Variants in CNTN4 observed in about 807,000 individuals in gnomAD.
CNTN4 encodes the protein contactin 4.
A neutral mutation model predicts 122.5 loss-of-function variants in CNTN4; 77 were observed. The ratio of observed to expected loss-of-function variants is 0.63; its 90% CI spans 0.52 to 0.76. The LOEUF is 0.76. CNTN4 is among the 30% of genes least tolerant of loss of function. CNTN4 has a pLI of 0.00. For synonymous variants in CNTN4, 512 were observed against 447.0 expected (o/e 1.15, Z -1.83); for missense variants, 1,256 against 1,259.1 (o/e 1.00, Z 0.04).
Position 2,538,837 on chromosome 3 carries a change from A to G in CNTN4, c.-88-32579A>G, listed in dbSNP as rs919806465. ...TGTATTTTATCTATTTCTAATATACATATATATGCACACACAGACACACAC... is the reference window on the plus strand; with the variant it reads ...TGTATTTTATCTATTTCTAATATACGTATATATGCACACACAGACACACAC... On this transcript the variant is annotated intron_variant, in intron 3 of 24. Transcript: ENST00000418658. 4.6e-5 allele frequency among the ~76,000 whole-genome samples: 7 copies of G among 151,962 alleles called. No individual in the cohort carries two copies. In the South Asian group the frequency reaches 1.2e-3, roughly 27 times the overall value.
intron 12 of CNTN4, among the ~76,000 whole-genome samples, chr3:2,906,144 A>G (rs115717825): frequency 0.012 from 1,865 of 152,146 alleles, 37 homozygotes; most frequent in African/African-American, 0.043. Context: ...TTTATCTCAA[A>G]GAAATAGAGT....
At chr3:2,844,498 G>A (rs747483257) in intron 7 of CNTN4, among the ~76,000 whole-genome samples, 3 of 152,128 alleles carry the variant, frequency 2.0e-5, no homozygotes, top group African/African-American at 4.8e-5. Context: ...CGGTAAGGAC[G>A]CCTCGATGGA....
At chr3:2,109,422 A>C (rs1013110794) in intron 2 of CNTN4, among the ~76,000 whole-genome samples, 1 of 152,098 alleles carries the variant, frequency 6.6e-6, no homozygotes, top group African/African-American at 2.4e-5. Context: ...GTTGTTGTTA[A>C]CCACAGTGAC....
chr3:2,303,709 C>T (rs1276891714), intron 2 of CNTN4, among the ~76,000 whole-genome samples: 6 of 152,100 alleles, frequency 3.9e-5, no homozygotes. Context: ...TTCAGCAGCT[C>T]CGTTGTTCAG....
At chr3:2,358,487 T>C (rs578045587) in intron 3 of CNTN4, among the ~76,000 whole-genome samples, 2 of 151,896 alleles carry the variant, frequency 1.3e-5, no homozygotes, top group South Asian at 4.2e-4. Context: ...AGAATGCTCT[T>C]GGTGACTGGA....
intron 2 of CNTN4, among the ~76,000 whole-genome samples, chr3:2,154,469 C>T (rs973152947): frequency 3.9e-5 from 6 of 152,064 alleles, no homozygotes; most frequent in Non-Finnish European, 7.4e-5. Context: ...TCTACACTGG[C>T]GTATTTCGCT....
intron 2 of CNTN4, among the ~76,000 whole-genome samples, chr3:2,319,229 A>G (rs1052755296): frequency 1.3e-5 from 2 of 152,176 alleles, no homozygotes; most frequent in Admixed American, 6.5e-5. Flanking sequence ...TAACATTCAC[A>G]AGTACCACAT....
At chr3:2,644,087 C>T (rs1469135203) in intron 4 of CNTN4, among the ~76,000 whole-genome samples, 3 of 152,136 alleles carry the variant, frequency 2.0e-5, no homozygotes, top group Non-Finnish European at 4.4e-5. Flanking sequence ...TGCCTAAGAG[C>T]ACAAGCGCAG....
Position 2,719,291 on chromosome 3 carries a change from G to T in CNTN4, c.56-16924G>T, listed in dbSNP as rs185284911. ...TTAGAAACAAGGTTCATAAGGACAA[G>T]ACTTCACTTTTTTTTTTTTTTTTAG... On this transcript the variant is annotated intron_variant, in intron 4 of 24. Coordinates refer to ENST00000418658, the MANE Select transcript of CNTN4 (RefSeq NM_175607.3). Among the ~76,000 whole-genome samples, 263 of 149,048 alleles carry T rather than the reference G, an allele frequency of 1.8e-3. 1 individual carries two copies. The highest frequency in any genetic ancestry group is 6.2e-3 in the African/African-American group (245 of 39,566).
At chr3:2,780,238 C>T (rs182148289) in intron 6 of CNTN4, among the ~76,000 whole-genome samples, 7 of 152,134 alleles carry the variant, frequency 4.6e-5, no homozygotes, top group African/African-American at 1.7e-4. Context: ...TAGTAAGCAC[C>T]ACAGTTTTTA....
chr3:2,918,541 T>C, intron 12 of CNTN4, among the ~76,000 whole-genome samples: 1 of 152,206 alleles, frequency 6.6e-6, no homozygotes, highest in East Asian at 1.9e-4. Flanking sequence ...TCATTCTATG[T>C]ATCTCTTCTC....
At chr3:2,866,474 A>C (rs988177810) in intron 7 of CNTN4, 1 of 1,277,260 alleles carries the variant, frequency 7.8e-7, no homozygotes, top group Non-Finnish European at 1.0e-6. Context: ...TTAGCAAACT[A>C]TAAATGCTTA....
At chr3:2,411,400 G>T (rs927471913) in intron 3 of CNTN4, among the ~76,000 whole-genome samples, 1 of 152,128 alleles carries the variant, frequency 6.6e-6, no homozygotes, top group Non-Finnish European at 1.5e-5. Context: ...ATATTGAGAT[G>T]TTTATTTAAT....
At chr3:2,438,565 C>CT (rs1473497701) in intron 3 of CNTN4, among the ~76,000 whole-genome samples, 1 of 152,184 alleles carries the variant, frequency 6.6e-6, no homozygotes, top group African/African-American at 2.4e-5. Context: ...TATTCATTTA[C>CT]TTATTTGTTT....
intron 4 of CNTN4, among the ~76,000 whole-genome samples, chr3:2,575,156 A>G (rs1021652726): frequency 2.6e-5 from 4 of 152,128 alleles, no homozygotes; most frequent in Admixed American, 1.3e-4. Context: ...TTATATGAAT[A>G]TGTTAAATTA....
intron 2 of CNTN4, among the ~76,000 whole-genome samples, chr3:2,103,814 A>G (rs1574828254): frequency 6.6e-6 from 1 of 152,072 alleles, no homozygotes; most frequent in East Asian, 1.9e-4. Context: ...TCTTGTTCTC[A>G]TCCTGTTGTC....
intron 6 of CNTN4, among the ~76,000 whole-genome samples, chr3:2,815,643 A>G (rs926583774): frequency 1.3e-5 from 2 of 152,150 alleles, no homozygotes; most frequent in Non-Finnish European, 2.9e-5. Context: ...TGGGAATGCA[A>G]ACTAGTACAG....
intron 2 of CNTN4, among the ~76,000 whole-genome samples, chr3:2,168,102 C>G (rs994827846): frequency 6.6e-6 from 1 of 152,158 alleles, no homozygotes; most frequent in African/African-American, 2.4e-5. Flanking sequence ...CATTGCACCC[C>G]ACTCTGACCT....
chr3:2,586,096 G>C lies in CNTN4; in HGVS notation c.55+14538G>C, dbSNP rs2080191423. On this transcript the variant is annotated intron_variant, in intron 4 of 24. Coordinates refer to ENST00000418658, the MANE Select transcript of CNTN4 (RefSeq NM_175607.3). ...TAATATGGCTAATATTGGTACCTCT[G>C]TACCTCTGTATTATAGATGGGGCAA... is the stretch of plus-strand genomic sequence containing the variant. Among the ~76,000 whole-genome samples the C allele has an allele frequency of 2.6e-5, 4 of 152,090 alleles. No individual in the cohort carries two copies. In the South Asian group the frequency reaches 8.3e-4, roughly 32 times the overall value.
Sources: gnomAD v4.1 joint callset for allele counts (sites outside exome capture counted in the v4.1 genomes callset) on GRCh38, gnomAD v4.1.1 for gene constraint, MANE v1.5 for transcripts, NCBI Gene and HGNC (gene_info 2026-07-23, HGNC 2026-07-21) for gene names.